The following TLE1 variants were observed in gnomAD, a reference collection of about 807,000 sequenced individuals.
TLE1 encodes the protein transducin-like enhancer protein 1.
A neutral mutation model predicts 89.8 loss-of-function variants in TLE1; 21 were observed. The ratio of observed to expected loss-of-function variants is 0.23; its 90% CI spans 0.17 to 0.34. The LOEUF is 0.34. Ranked by LOEUF, TLE1 falls within the 10% of genes least tolerant of loss-of-function variation. The pLI, the probability that TLE1 is intolerant of heterozygous loss-of-function variation, is 1.00. For synonymous variants in TLE1, 447 were observed against 407.6 expected, an observed-to-expected ratio of 1.10 and a Z score of -1.16; for missense variants, 795 against 1,031.2, an observed-to-expected ratio of 0.77 and a Z score of 3.14.
At chr9:81,588,367 T>C (rs1182259812) in intron 16 of TLE1, among the ~76,000 whole-genome samples, 1 of 152,116 alleles carries the variant, frequency 6.6e-6, no homozygotes, top group Admixed American at 6.5e-5. Flanking sequence ...CATGAGCTCA[T>C]GTATTTACTC....
intron 8 of TLE1, among the ~76,000 whole-genome samples, chr9:81,627,248 G>A (rs142607301): frequency 6.6e-6 from 1 of 151,878 alleles, no homozygotes; most frequent in African/African-American, 2.4e-5. Context: ...GCTCACAATT[G>A]CAGGTTTTCT....
At chr9:81,620,979 TA>T (rs1266532494) in intron 8 of TLE1, 2 of 459,724 alleles carry the variant, frequency 4.4e-6, no homozygotes, top group Admixed American at 2.6e-5. Flanking sequence ...TGTACCACTC[TA>T]AAAAGGCACA....
At chr9:81,680,391 A>AT (rs1301419221) in intron 4 of TLE1, among the ~76,000 whole-genome samples, 2 of 152,208 alleles carry the variant, frequency 1.3e-5, no homozygotes, top group Non-Finnish European at 2.9e-5. Flanking sequence ...TCCTCACCCT[A>AT]TTCCCAACTC....
At chr9:81,652,092 G>A in intron 6 of TLE1, 122 bp downstream of exon 6, 1 of 871,746 alleles carries the variant, frequency 1.1e-6, no homozygotes. Context: ...TTATCAAATA[G>A]GTCAACGTTA....
chr9:81,686,927 A>C (rs1834363290), intron 2 of TLE1, among the ~76,000 whole-genome samples: 1 of 152,156 alleles, frequency 6.6e-6, no homozygotes, highest in South Asian at 2.1e-4. Flanking sequence ...AGAAAACCCA[A>C]TTTTCTAGTA....
chr9:81,595,835 T>A lies in TLE1; in HGVS notation c.1332-2561A>T, dbSNP rs193254479. On this transcript the variant is annotated intron_variant, in intron 14 of 19. Coordinates refer to ENST00000376499, the MANE Select transcript of TLE1 (RefSeq NM_005077.5). ...GTCTCAAAAAAAAAAAAAAAAAAAT[T>A]AAAAAATAAAAGTAAAACAATTGAG... Among the ~76,000 whole-genome samples the A allele has an allele frequency of 2.6e-3, 372 of 141,270 alleles. 3 individuals carry two copies. Among genetic ancestry groups the A allele is most frequent in the Middle Eastern group, 0.025 (7 of 278 alleles). The allele number at this position is 141,270 out of a possible 152,430, so 92.7% of individuals were successfully genotyped here.
chr9:81,607,395 C>T (rs143129263), intron 14 of TLE1, among the ~76,000 whole-genome samples: 218 of 152,218 alleles, frequency 1.4e-3, no homozygotes, highest in African/African-American at 4.8e-3. Flanking sequence ...GCCCACCCAC[C>T]AGCCTTCCAC....
chr9:81,621,530 G>A (rs573069671), intron 8 of TLE1, among the ~76,000 whole-genome samples: 1 of 152,356 alleles, frequency 6.6e-6, no homozygotes, highest in East Asian at 1.9e-4. Flanking sequence ...TGAGCACTAA[G>A]AGGACAGTGT....
At chr9:81,589,322 G>A (rs1226455894) in intron 16 of TLE1, among the ~76,000 whole-genome samples, 1 of 152,050 alleles carries the variant, frequency 6.6e-6, no homozygotes, top group Non-Finnish European at 1.5e-5. Context: ...CCCTCTCTCC[G>A]TCCATATACT....
intron 14 of TLE1, among the ~76,000 whole-genome samples, chr9:81,598,090 C>G (rs1452762377): frequency 6.6e-6 from 1 of 152,172 alleles, no homozygotes; most frequent in Admixed American, 6.5e-5. Flanking sequence ...ACTTGGCACT[C>G]TGGATGTGAA....
intron 14 of TLE1, chr9:81,600,113 G>T (rs765385372): frequency 1.3e-6 from 1 of 744,162 alleles, no homozygotes. Flanking sequence ...CAGGAACAAG[G>T]CTCCTAAACA....
At chr9:81,654,333 A>C (rs1331060045) in intron 4 of TLE1, among the ~76,000 whole-genome samples, 3 of 152,090 alleles carry the variant, frequency 2.0e-5, no homozygotes, top group Non-Finnish European at 4.4e-5. Flanking sequence ...GACTATATAT[A>C]TATACACATA....
At chr9:81,647,199 T>A (rs1199213937) in intron 6 of TLE1, among the ~76,000 whole-genome samples, 2 of 152,116 alleles carry the variant, frequency 1.3e-5, no homozygotes, top group Non-Finnish European at 2.9e-5. Context: ...GGGAGGACAG[T>A]CCCCACTGGT....
At position 81,591,050 on chromosome 9, in the gene TLE1, G is replaced by C; in HGVS notation, c.1584C>G (p.Asn528Lys). The C allele has an allele frequency of 2.5e-6, 4 of 1,611,534 alleles. No homozygotes were observed. The highest frequency in any genetic ancestry group is 3.4e-6 in the Non-Finnish European group (4 of 1,177,798). Residue 528 changes from asparagine (N) to lysine (K), a missense_variant and splice_region_variant, in exon 16 of 20, where the codon AAC becomes AAG. Asn to Lys is a moderately conservative substitution (Grantham distance 94). This residue lies in a region of TLE1 where 214 missense variants were observed against 354.9 expected (regional missense o/e 0.60). Coordinates refer to ENST00000376499, the MANE Select transcript of TLE1 (RefSeq NM_005077.5). ...KSPVSQLDCL[N>K]RDNYIRSCKL... ...TACAGGAACGGATATAATTGTCTCT[G>C]TTCTGTAGAATAAACATAATTCATT...
In TLE1 at chr9:81,613,087, T is replaced by A. The variant is rs554837860; in HGVS notation, c.1063+290A>T. 1.4e-4 allele frequency among the ~76,000 whole-genome samples: 22 copies of A among 152,158 alleles called. No homozygotes were observed. The East Asian group carries it at 4.3e-3, about 29-fold the overall frequency. On this transcript the variant is annotated intron_variant, in intron 12 of 19. Coordinates refer to ENST00000376499, the MANE Select transcript of TLE1 (RefSeq NM_005077.5). ...AAAGCCCAGGAGGCAGAGGTTGCAG[T>A]GAGCTGAGATCACGCCATTGCATTC...
intron 6 of TLE1, among the ~76,000 whole-genome samples, chr9:81,645,833 G>C (rs1828792409): frequency 6.6e-6 from 1 of 152,214 alleles, no homozygotes; most frequent in African/African-American, 2.4e-5. Context: ...AACACTGCAT[G>C]CCTGCATCAA....
At position 81,590,896 on chromosome 9, in the gene TLE1, G is replaced by A. The variant is rs982494121; in HGVS notation, c.1738C>T (p.Leu580=). ...LTSSAPACYA[L]AISPDSKVCF... ...ACCTTGGAATCGGGGCTGATGGCCA[G>A]GGCGTAGCAGGCGGGGGCCGAGGAC... The change falls in exon 16 of 20, where the codon CTG becomes TTG. Residue 580 remains leucine, a synonymous_variant. Transcript: ENST00000376499. The A allele has an allele frequency of 8.1e-6, 13 of 1,614,276 alleles. No individual in the cohort carries two copies. Among genetic ancestry groups the A allele is most frequent in the African/African-American group, 2.7e-5 (2 of 75,074 alleles).
chr9:81,675,992 C>T (rs1276294477), intron 4 of TLE1, among the ~76,000 whole-genome samples: 1 of 152,142 alleles, frequency 6.6e-6, no homozygotes, highest in African/African-American at 2.4e-5. Flanking sequence ...AGCCACCACA[C>T]CAGGCCGACC....
intron 6 of TLE1, among the ~76,000 whole-genome samples, chr9:81,651,895 G>A (rs971131805): frequency 1.3e-5 from 2 of 151,752 alleles, no homozygotes; most frequent in African/African-American, 4.9e-5. Flanking sequence ...AAGGCAGGAG[G>A]ATCACTTGAG....
Sources: gnomAD v4.1 joint callset for allele counts (sites outside exome capture counted in the v4.1 genomes callset) on GRCh38, gnomAD v4.1.1 for gene constraint, gnomAD v4.1.1 regional missense constraint, MANE v1.5 for transcripts, NCBI Gene and HGNC (gene_info 2026-07-23, HGNC 2026-07-21) for gene names.